The following VSTM4 variants were observed in gnomAD, a reference collection of about 807,000 sequenced individuals.
The protein encoded by VSTM4 is V-set and transmembrane domain containing 4.
In VSTM4, 20 loss-of-function variants were observed where a neutral mutation model predicts 36.4. That is an observed-to-expected ratio of 0.55 (90% confidence interval 0.39 to 0.80). The LOEUF (loss-of-function observed/expected upper bound fraction) is 0.80. Among genes scored for constraint, VSTM4 ranks in the 30% least tolerant of loss-of-function variants. VSTM4 has a pLI of 0.00. For synonymous variants in VSTM4, 182 were observed against 173.9 expected, an observed-to-expected ratio of 1.05 and a Z score of -0.37; for missense variants, 392 against 404.5, an observed-to-expected ratio of 0.97 and a Z score of 0.26.
At chr10:49,050,212 AAAATAAGGGG>A (rs1315171334) in intron 5 of VSTM4, among the ~76,000 whole-genome samples, 1 of 152,234 alleles carries the variant, frequency 6.6e-6, no homozygotes, top group Non-Finnish European at 1.5e-5. Flanking sequence ...CTTTTACATA[AAAATAAGGGG>A]AAATAAGAAT....
intron 5 of VSTM4, among the ~76,000 whole-genome samples, chr10:49,060,679 C>T (rs1462231381): frequency 1.3e-5 from 2 of 152,132 alleles, no homozygotes; most frequent in Non-Finnish European, 2.9e-5. Flanking sequence ...TTTGGAAATG[C>T]AAAGGTTTTT....
At chr10:49,112,048 G>A (rs1197693161) in intron 1 of VSTM4, among the ~76,000 whole-genome samples, 1 of 152,208 alleles carries the variant, frequency 6.6e-6, no homozygotes, top group African/African-American at 2.4e-5. Flanking sequence ...GTACAGGCTG[G>A]AAATGGAAAG....
intron 5 of VSTM4, among the ~76,000 whole-genome samples, chr10:49,057,733 C>T (rs1843806136): frequency 6.6e-6 from 1 of 152,154 alleles, no homozygotes; most frequent in South Asian, 2.1e-4. Context: ...CAGGGAGACC[C>T]CGTCCCTGCG....
chr10:49,092,636 G>A (rs920756733), intron 2 of VSTM4, among the ~76,000 whole-genome samples: 2 of 152,172 alleles, frequency 1.3e-5, no homozygotes, highest in African/African-American at 4.8e-5. Context: ...TCCCTGGCTA[G>A]GGCTCCACCT....
intron 7 of VSTM4, among the ~76,000 whole-genome samples, chr10:49,038,708 A>G (rs943007281): frequency 3.9e-5 from 6 of 152,118 alleles, no homozygotes; most frequent in African/African-American, 1.4e-4. Flanking sequence ...GTGTGTGCTT[A>G]TGTCATGGCG....
chr10:49,065,322 G>T (rs954327388), intron 4 of VSTM4, among the ~76,000 whole-genome samples: 5 of 152,162 alleles, frequency 3.3e-5, no homozygotes, highest in Non-Finnish European at 5.9e-5. Flanking sequence ...TCAAATAGAG[G>T]TAAAGCTGAA....
At chr10:49,072,126 A>G (rs1418807372) in intron 4 of VSTM4, among the ~76,000 whole-genome samples, 5 of 152,196 alleles carry the variant, frequency 3.3e-5, no homozygotes, top group Non-Finnish European at 5.9e-5. Context: ...TGGTCTACAA[A>G]TGCTTGATTG....
Position 49,051,917 on chromosome 10 carries a change from T to G in VSTM4, c.669-3333A>C, listed in dbSNP as rs996986870. On this transcript the variant is annotated intron_variant, in intron 5 of 7. Coordinates refer to ENST00000332853, the MANE Select transcript of VSTM4 (RefSeq NM_001031746.5). The stretch of plus-strand genomic sequence containing the variant: ...TTTTTTAAATCATATTATATTATAA[T>G]TTTGTATTCTTAATTTACTTAATCT... Among the ~76,000 whole-genome samples, 5 of 150,368 alleles carry G rather than the reference T, an allele frequency of 3.3e-5. No individual in the cohort carries two copies. The South Asian group carries it at 1.1e-3, about 32-fold the overall frequency.
At chr10:49,071,334 T>A (rs986819241) in intron 4 of VSTM4, among the ~76,000 whole-genome samples, 3 of 152,150 alleles carry the variant, frequency 2.0e-5, no homozygotes, top group Non-Finnish European at 4.4e-5. Context: ...TGGAAACAAG[T>A]ATGATTGAGG....
At chr10:49,041,126 T>G (rs1398727035) in intron 7 of VSTM4, among the ~76,000 whole-genome samples, 1 of 152,214 alleles carries the variant, frequency 6.6e-6, no homozygotes, top group Non-Finnish European at 1.5e-5. Context: ...TCGACCAAAC[T>G]GAGACTGAGG....
At chr10:49,022,119 TTA>T (rs869258470) in intron 7 of VSTM4, among the ~76,000 whole-genome samples, 49 of 130,082 alleles carry the variant, frequency 3.8e-4, no homozygotes, top group Admixed American at 8.5e-4. Flanking sequence ...TTTAATGCAT[TTA>T]TTTTTTTTTA....
Position 49,029,773 on chromosome 10 carries a change from G to A in VSTM4, c.838-9998C>T, listed in dbSNP as rs151252291. On this transcript the variant is annotated intron_variant, in intron 7 of 7. Transcript: ENST00000332853. ...GTAGGCAGTATGAGCTCCAACTAAA[G>A]GGGAAGTTGGGGGAGAAGGGAACTG... Among the ~76,000 whole-genome samples, 16 of 152,348 alleles carry A rather than the reference G, an allele frequency of 1.1e-4. No individual in the cohort carries two copies. The East Asian group carries it at 2.9e-3, about 28-fold the overall frequency.
intron 5 of VSTM4, among the ~76,000 whole-genome samples, chr10:49,061,545 T>A (rs1024521372): frequency 6.6e-6 from 1 of 152,156 alleles, no homozygotes; most frequent in Admixed American, 6.5e-5. Context: ...CAGTTTTTGA[T>A]GTTTAAATTT....
At chr10:49,104,990 CAGAGAGACAGAG>C (rs1254881934) in intron 2 of VSTM4, among the ~76,000 whole-genome samples, 2 of 108,336 alleles carry the variant, frequency 1.8e-5, no homozygotes, top group Non-Finnish European at 3.8e-5. Flanking sequence ...GACAGAGACA[CAGAGAGACAGAG>C]AGAGAGACAG....
chr10:49,062,254 A>G (rs572753732), intron 5 of VSTM4, among the ~76,000 whole-genome samples: 113 of 152,202 alleles, frequency 7.4e-4, no homozygotes, highest in Non-Finnish European at 1.3e-3. Context: ...ACACTCTACC[A>G]TATGTACTCC....
At chr10:49,070,592 C>T (rs1303526595) in intron 4 of VSTM4, among the ~76,000 whole-genome samples, 2 of 152,224 alleles carry the variant, frequency 1.3e-5, no homozygotes, top group African/African-American at 4.8e-5. Context: ...GGCAGTCACT[C>T]AGCACAGTGA....
chr10:49,071,441 G>A (rs915320300), intron 4 of VSTM4, among the ~76,000 whole-genome samples: 13 of 152,256 alleles, frequency 8.5e-5, no homozygotes, highest in African/African-American at 3.1e-4. Flanking sequence ...ACAACAAAGA[G>A]CAAGGACAGA....
chr10:49,047,119 G>C (rs1237603094), intron 6 of VSTM4, 75 bp from the exon 7 acceptor site: 1 of 1,445,398 alleles, frequency 6.9e-7, no homozygotes, highest in African/African-American at 1.4e-5. Context: ...TGAGCATCAG[G>C]GACATATTCT....
At chr10:49,042,346 C>T (rs1843533952) in intron 7 of VSTM4, among the ~76,000 whole-genome samples, 1 of 152,246 alleles carries the variant, frequency 6.6e-6, no homozygotes, top group African/African-American at 2.4e-5. Context: ...TAACATGAAC[C>T]AAATGGAACC....
Sources: gnomAD v4.1 joint callset for allele counts (sites outside exome capture counted in the v4.1 genomes callset) on GRCh38, gnomAD v4.1.1 for gene constraint, MANE v1.5 for transcripts, NCBI Gene and HGNC (gene_info 2026-07-23, HGNC 2026-07-21) for gene names.